ZFYVE28: variants seen among roughly 807,000 people sequenced by gnomAD.
The protein encoded by ZFYVE28 is zinc finger FYVE-type containing 28.
A neutral mutation model predicts 82.1 loss-of-function variants in ZFYVE28; 40 were observed. The ratio of observed to expected loss-of-function variants is 0.49; its 90% confidence interval spans 0.38 to 0.63. ZFYVE28 has a LOEUF of 0.63. ZFYVE28 is among the 30% of genes least tolerant of loss of function. The pLI, the probability that ZFYVE28 is intolerant of heterozygous loss-of-function variation, is 0.00. For missense variants in ZFYVE28, 1,321 were observed against 1,242.1 expected (o/e 1.06, Z -0.96); for synonymous variants, 612 against 546.1 (o/e 1.12, Z -1.68).
In ZFYVE28 at chr4:2,341,330, G is replaced by C. The variant is rs73087161; in HGVS notation, c.318+148C>G. On this transcript the variant is annotated intron_variant, in intron 3 of 12. Coordinates refer to ENST00000290974, the MANE Select transcript of ZFYVE28 (RefSeq NM_020972.3). This position sits in a 1 kb window ranked among gnomAD's most constrained non-coding sequence, Gnocchi z 4.5. ...AGGGGTGCACGGCCTACCAGGCTCA[G>C]ACCACACCACGTAACCCAGAGTGGA... 2.3e-3 allele frequency: 2,642 copies of C among 1,150,370 alleles called. 36 individuals are homozygous for C. In the African/African-American group the frequency reaches 0.034, roughly 15 times the overall value. The allele number at this position is 1,150,370 out of a possible 1,614,324, so 71.3% of individuals were successfully genotyped here.
intron 8 of ZFYVE28, among the ~76,000 whole-genome samples, chr4:2,292,055 C>T (rs1212526084): frequency 6.6e-6 from 1 of 152,208 alleles, no homozygotes; most frequent in African/African-American, 2.4e-5. Context: ...GCACGTCCCC[C>T]AACCAGGCTC....
At chr4:2,350,062 C>T (rs1724145161) in intron 2 of ZFYVE28, among the ~76,000 whole-genome samples, 2 of 151,980 alleles carry the variant, frequency 1.3e-5, no homozygotes, top group Non-Finnish European at 2.9e-5. Context: ...CACACACACA[C>T]ACACTCGGCA....
chr4:2,399,105 C>CGTGGAGGTGAGATCCAGGGCACAAGG (rs1560338985), intron 1 of ZFYVE28, among the ~76,000 whole-genome samples: 3 of 30,208 alleles, frequency 9.9e-5, no homozygotes, highest in Admixed American at 4.1e-4. Flanking sequence ...AGGGCACAAG[C>CGTGGAGGTGAGATCCAGGGCACAAGG]TGGGGCAAGA....
chr4:2,343,832 T>A (rs965782167), intron 2 of ZFYVE28, among the ~76,000 whole-genome samples: 8 of 152,232 alleles, frequency 5.3e-5, no homozygotes, highest in African/African-American at 1.9e-4. Context: ...GCCTTCCTGG[T>A]CTGCTAGAAC....
intron 8 of ZFYVE28, among the ~76,000 whole-genome samples, chr4:2,303,065 C>T (rs1221432908): frequency 1.3e-5 from 2 of 152,224 alleles, no homozygotes; most frequent in Non-Finnish European, 2.9e-5. Flanking sequence ...TGGAAAGTGA[C>T]TGAGGCTCCC....
chr4:2,297,447 C>T lies in ZFYVE28; in HGVS notation c.2051+6842G>A, dbSNP rs529596157. Among the ~76,000 whole-genome samples, 397 of 152,284 alleles carry T rather than the reference C, an allele frequency of 2.6e-3. 2 individuals are homozygous for T. The highest frequency in any genetic ancestry group is 8.7e-3 in the African/African-American group (361 of 41,562). The stretch of plus-strand genomic sequence containing the variant: ...CACGGAGGAGTCGCCAGGTGGGGCG[C>T]GGTGGGTGGATGTTCAAGCTGGAGG... On this transcript the variant is annotated intron_variant, in intron 8 of 12. Coordinates refer to ENST00000290974, the MANE Select transcript of ZFYVE28 (RefSeq NM_020972.3).
chr4:2,370,054 T>G (rs763464788), intron 1 of ZFYVE28, among the ~76,000 whole-genome samples: 1 of 151,790 alleles, frequency 6.6e-6, no homozygotes, highest in Non-Finnish European at 1.5e-5. Flanking sequence ...TTCACCATGT[T>G]GGCCAGGATG....
At position 2,332,885 on chromosome 4, in the gene ZFYVE28, C is replaced by T. The variant is rs1426657553; in HGVS notation, c.701+2820G>A. Among the ~76,000 whole-genome samples, 1 of 152,142 alleles carries T rather than the reference C, an allele frequency of 6.6e-6. No homozygotes were observed. Among genetic ancestry groups the T allele is most frequent in the East Asian group, 1.9e-4 (1 of 5,182 alleles). On this transcript the variant is annotated intron_variant, in intron 6 of 12. Transcript: ENST00000290974. The surrounding 1 kb of genome is among the most constrained non-coding windows in gnomAD (Gnocchi z 4.7). ...TGGTGCACCCCACGGTTCCTCGTAT[C>T]CACAGCCTGGCTCTGTGGCTAGATG... is the stretch of plus-strand genomic sequence containing the variant.
At chr4:2,396,118 G>A (rs1161581511) in intron 1 of ZFYVE28, among the ~76,000 whole-genome samples, 2 of 128,522 alleles carry the variant, frequency 1.6e-5, no homozygotes, top group South Asian at 2.7e-4. Context: ...CTGCAGAGGG[G>A]CCACAAGGCG....
chr4:2,342,785 C>T (rs890006844), intron 2 of ZFYVE28: 7 of 152,196 alleles, frequency 4.6e-5, no homozygotes, highest in African/African-American at 1.7e-4. Context: ...TTAACTTTTG[C>T]TTTAATTTGT....
intron 2 of ZFYVE28, among the ~76,000 whole-genome samples, chr4:2,347,412 C>T (rs1723755704): frequency 6.6e-6 from 1 of 152,188 alleles, no homozygotes; most frequent in Admixed American, 6.5e-5. Context: ...GCTAAAACAA[C>T]CTGATATGGT....
At chr4:2,323,200 C>A (rs1314328844) in intron 6 of ZFYVE28, among the ~76,000 whole-genome samples, 1 of 152,220 alleles carries the variant, frequency 6.6e-6, no homozygotes, top group Non-Finnish European at 1.5e-5. Flanking sequence ...TCTCCACGCT[C>A]TCCCCACGTA....
intron 6 of ZFYVE28, chr4:2,325,111 T>C (rs913558128): frequency 6.6e-6 from 1 of 152,394 alleles, no homozygotes. Context: ...CGTTTCATGG[T>C]TTCCTGGCAT....
intron 1 of ZFYVE28, among the ~76,000 whole-genome samples, chr4:2,369,030 G>C (rs73793732): frequency 6.6e-6 from 1 of 152,162 alleles, no homozygotes; most frequent in Non-Finnish European, 1.5e-5. Flanking sequence ...TGAAGTGGCC[G>C]CTCACTGTGG....
In ZFYVE28 at chr4:2,283,276, C is replaced by G. The variant is rs1363578209; in HGVS notation, c.2052-9060G>C. Among the ~76,000 whole-genome samples the G allele has an allele frequency of 3.3e-5, 5 of 151,682 alleles. No individual in the cohort carries two copies. The South Asian group carries it at 6.3e-4, about 19-fold the overall frequency. ...CCCATGTACCCACCTGTCCACCCAC[C>G]AATCCGTCTACCCATCATCCAATCT... On this transcript the variant is annotated intron_variant, in intron 8 of 12. Transcript: ENST00000290974.
rs1488763206 is a variant in ZFYVE28 at position 2,304,964 on chromosome 4, C to T, written c.1376G>A (p.Ser459Asn). Residue 459 changes from serine to asparagine, a missense_variant, in exon 8 of 13, where the codon AGC (serine) becomes AAC (asparagine). Ser to Asn is a conservative substitution (Grantham distance 46). Transcript: ENST00000290974. ...LPASEKEEDL[S>N]NNNLEAEGTD... is the part of the protein sequence containing the mutation. ...GCCCTCGGCCTCGAGATTGTTGTTG[C>T]TCAAGTCCTCCTCCTTTTCCGAGGC... The T allele has an allele frequency of 1.9e-6, 3 of 1,612,746 alleles. No homozygotes were observed. The highest frequency in any genetic ancestry group is 1.1e-5 in the South Asian group (1 of 91,088).
intron 7 of ZFYVE28, among the ~76,000 whole-genome samples, chr4:2,307,922 G>C (rs140834400): frequency 0.013 from 2,005 of 152,222 alleles, 54 homozygotes; most frequent in Non-Finnish European, 0.012. Context: ...GTCTTCTATT[G>C]ACTCAGCCCA....
At chr4:2,360,136 G>A (rs139526120) in intron 1 of ZFYVE28, among the ~76,000 whole-genome samples, 2 of 152,144 alleles carry the variant, frequency 1.3e-5, no homozygotes, top group Admixed American at 6.5e-5. Flanking sequence ...TGGGAAAGGG[G>A]CATCCTGAAC....
intron 8 of ZFYVE28, among the ~76,000 whole-genome samples, chr4:2,303,505 C>G (rs571543510): frequency 4.6e-5 from 7 of 152,340 alleles, no homozygotes; most frequent in African/African-American, 1.4e-4. Flanking sequence ...CCTATAGACA[C>G]GGCCACAGCC....
Sources: allele counts gnomAD v4.1 joint callset (sites outside exome capture counted in the v4.1 genomes callset), GRCh38; gene constraint gnomAD v4.1.1; non-coding constraint Gnocchi (gnomAD v3.1); transcripts MANE v1.5; gene names NCBI Gene and HGNC (gene_info 2026-07-23, HGNC 2026-07-21).